Variants in PRR11 observed in about 807,000 individuals in gnomAD.
PRR11 encodes the protein proline rich 11, also known as proline-rich protein 11.
Under a neutral mutation model 45.6 loss-of-function variants are expected in PRR11, and 30 were observed. The ratio of observed to expected loss-of-function variants is 0.66; its 90% CI spans 0.49 to 0.89. PRR11 has a LOEUF of 0.89. Among genes scored for constraint, PRR11 ranks in the 40% least tolerant of loss-of-function variants. The pLI is 0.00. For missense variants in PRR11, 373 were observed against 424.8 expected, an observed-to-expected ratio of 0.88 and a Z score of 1.07; for synonymous variants, 128 against 153.5, an observed-to-expected ratio of 0.83 and a Z score of 1.23.
intron 2 of PRR11, among the ~76,000 whole-genome samples, chr17:59,173,675 G>A (rs2046725115): frequency 6.6e-6 from 1 of 152,186 alleles, no homozygotes; most frequent in African/African-American, 2.4e-5. Context: ...ACTGTAACAT[G>A]GCGAGGGTTG....
Position 59,195,339 on chromosome 17 carries a change from A to G in PRR11, c.753A>G (p.Pro251=). 6.2e-7 allele frequency: 1 copy of G among 1,612,082 alleles called. No homozygotes were observed. Among genetic ancestry groups the G allele is most frequent in the South Asian group, 1.1e-5 (1 of 91,052 alleles). Residue 251 remains proline (P), a synonymous_variant, in exon 7 of 10, where the codon CCA becomes CCG. Coordinates refer to ENST00000262293, the MANE Select transcript of PRR11 (RefSeq NM_018304.4). ...TCATTTTATAATTAAAGCTTATACC[A>G]TCGCCGAAAGCACGGAATCCACTAG... ...QSLDEKRKLI[P]SPKARNPLVT... is the part of the protein sequence containing the mutation.
chr17:59,195,988 TGAA>T (rs1455211566), intron 7 of PRR11, among the ~76,000 whole-genome samples: 1 of 148,398 alleles, frequency 6.7e-6, no homozygotes, highest in Admixed American at 7.0e-5. Flanking sequence ...CTTGGGAGGC[TGAA>T]GAAAGAGGAT....
chr17:59,205,609 G>C lies in PRR11; in HGVS notation c.*3978G>C, dbSNP rs1192486923. Among the ~76,000 whole-genome samples, 5 of 151,152 alleles carry C rather than the reference G, an allele frequency of 3.3e-5. No individual in the cohort carries two copies. Among genetic ancestry groups the C allele is most frequent in the Non-Finnish European group, 7.4e-5 (5 of 67,946 alleles). On this transcript the variant is annotated 3_prime_UTR_variant, in exon 10 of 10. Transcript: ENST00000262293. ...CCCAGCTACTGGGAAGGCTGAGCCA[G>C]AATGGCTTGAACCTGGGAGGCAGAG...
intron 9 of PRR11, among the ~76,000 whole-genome samples, chr17:59,201,110 T>C (rs1216446259): frequency 6.6e-6 from 1 of 151,960 alleles, no homozygotes; most frequent in Non-Finnish European, 1.5e-5. Context: ...CCCCACCCTT[T>C]CCCCCAAGTC....
intron 9 of PRR11, 170 bp downstream of exon 9, chr17:59,197,959 C>T: frequency 1.6e-6 from 1 of 609,504 alleles, no homozygotes; most frequent in Non-Finnish European, 2.9e-6. Context: ...ACAAAAAATA[C>T]AAAAAATTAG....
intron 2 of PRR11, chr17:59,181,874 C>T (rs2046788924): frequency 7.2e-7 from 1 of 1,395,072 alleles, no homozygotes; most frequent in Non-Finnish European, 9.8e-7. Context: ...TTCTCCAAGC[C>T]ATCTTTCTGG....
At position 59,203,295 on chromosome 17, in the gene PRR11, G is replaced by A. The variant is rs1252444200; in HGVS notation, c.*1664G>A. Among the ~76,000 whole-genome samples, 1 of 152,196 alleles carries A rather than the reference G, an allele frequency of 6.6e-6. No homozygotes were observed. The highest frequency in any genetic ancestry group is 1.9e-4 in the East Asian group (1 of 5,166). ...GCTGGAGTGCAGTGGCGCAATCTTG[G>A]CTCACTGCAACCTCCACCTCCCAGG... On this transcript the variant is annotated 3_prime_UTR_variant, in exon 10 of 10. Coordinates refer to ENST00000262293, the MANE Select transcript of PRR11 (RefSeq NM_018304.4).
intron 5 of PRR11, among the ~76,000 whole-genome samples, chr17:59,194,265 C>CCACA (rs1277044945): frequency 1.2e-4 from 11 of 90,440 alleles, no homozygotes; most frequent in African/African-American, 6.5e-4. Context: ...TCTTCCCAAT[C>CCACA]CTCACACACA....
intron 4 of PRR11, 68 bp from the exon 5 acceptor site, chr17:59,193,424 G>A: frequency 6.3e-7 from 1 of 1,578,226 alleles, no homozygotes; most frequent in Non-Finnish European, 8.7e-7. Context: ...CTATTATTTT[G>A]ATGACTCTCA....
intron 2 of PRR11, among the ~76,000 whole-genome samples, chr17:59,173,950 G>T (rs2046727367): frequency 6.6e-6 from 1 of 152,212 alleles, no homozygotes; most frequent in Non-Finnish European, 1.5e-5. Context: ...ATACTTAAAG[G>T]AGGCGGCTCT....
intron 1 of PRR11, among the ~76,000 whole-genome samples, chr17:59,163,953 T>C (rs2147833639): frequency 6.6e-6 from 1 of 152,088 alleles, no homozygotes; most frequent in South Asian, 2.1e-4. Flanking sequence ...TAATCCCAAC[T>C]ACTCAGGAGG....
intron 2 of PRR11, among the ~76,000 whole-genome samples, chr17:59,174,342 C>T (rs1363294905): frequency 6.6e-6 from 1 of 152,230 alleles, no homozygotes. Context: ...CATAATCCTA[C>T]CTCCTCATGA....
At chr17:59,172,758 G>A (rs12942659) in intron 2 of PRR11, among the ~76,000 whole-genome samples, 15,305 of 152,294 alleles carry the variant, frequency 0.1, 1,036 homozygotes, top group South Asian at 0.26. Flanking sequence ...CTGCCTCCCC[G>A]TGGGGCAGGG....
Position 59,201,636 on chromosome 17 carries a change from A to T in PRR11, c.*5A>T. 1 of 1,613,346 alleles carries T rather than the reference A, an allele frequency of 6.2e-7. No homozygotes were observed. Among genetic ancestry groups the T allele is most frequent in the Non-Finnish European group, 8.5e-7 (1 of 1,179,630 alleles). Reference sequence around the variant, plus strand: ...AGCTTTGATGAACAAAACTGATGCCAACTCTGCCTCACTCCATGAGATGAT... The same window carrying T: ...AGCTTTGATGAACAAAACTGATGCCTACTCTGCCTCACTCCATGAGATGAT... On this transcript the variant is annotated 3_prime_UTR_variant, in exon 10 of 10. Coordinates refer to ENST00000262293, the MANE Select transcript of PRR11 (RefSeq NM_018304.4).
chr17:59,157,907 CAG>C (rs1010284163), intron 1 of PRR11, among the ~76,000 whole-genome samples: 12 of 152,240 alleles, frequency 7.9e-5, no homozygotes, highest in South Asian at 2.1e-4. Context: ...TAGAAAGAAA[CAG>C]AAAGTATTTG....
intron 1 of PRR11, among the ~76,000 whole-genome samples, chr17:59,157,952 G>C (rs1433073819): frequency 6.6e-6 from 1 of 152,124 alleles, no homozygotes; most frequent in South Asian, 2.1e-4. Context: ...CAAACCGCTA[G>C]TCACTAGAAG....
intron 2 of PRR11, chr17:59,175,029 T>A: frequency 1.5e-6 from 1 of 657,774 alleles, no homozygotes. Context: ...CCGAAGTTTA[T>A]GGAACAAGGG....
At position 59,201,919 on chromosome 17, in the gene PRR11, C is replaced by T; in HGVS notation, c.*288C>T. On this transcript the variant is annotated 3_prime_UTR_variant, in exon 10 of 10. Transcript: ENST00000262293. ...CCAAGAGGCAGAGGTTGCAGTGAGC[C>T]AAGATCGCGTCATTGCACTCCAGCC... The T allele has an allele frequency of 3.0e-6, 1 of 331,578 alleles. No homozygotes were observed. Among genetic ancestry groups the T allele is most frequent in the Non-Finnish European group, 5.8e-6 (1 of 173,400 alleles). 20.5% of individuals were successfully genotyped at this position (331,578 alleles called of 1,614,324 possible). A position where few individuals can be genotyped will look rare whatever the true frequency, so the allele number is the denominator to read the frequency against.
chr17:59,162,261 G>T (rs2046657293), intron 1 of PRR11, among the ~76,000 whole-genome samples: 1 of 151,984 alleles, frequency 6.6e-6, no homozygotes, highest in South Asian at 2.1e-4. Flanking sequence ...GAGAGAGAGA[G>T]AGAGAGAGAA....
Sources: gnomAD v4.1 joint callset for allele counts (sites outside exome capture counted in the v4.1 genomes callset) on GRCh38, gnomAD v4.1.1 for gene constraint, MANE v1.5 for transcripts, NCBI Gene and HGNC (gene_info 2026-07-23, HGNC 2026-07-21) for gene names.